Variants in ADARB2 observed in about 807,000 individuals in gnomAD.
The protein encoded by ADARB2 is inactive double-stranded RNA-specific editase B2.
A neutral mutation model predicts 62.2 loss-of-function variants in ADARB2; 25 were observed. That is an observed-to-expected ratio of 0.40 (90% CI 0.29 to 0.56). The LOEUF is 0.56. Ranked by LOEUF, ADARB2 falls within the 20% of genes least tolerant of loss-of-function variation. ADARB2 has a pLI of 0.43. For missense variants in ADARB2, 1,071 were observed against 1,077.4 expected (o/e 0.99, Z 0.08); for synonymous variants, 572 against 500.8 (o/e 1.14, Z -1.90).
intron 1 of ADARB2, among the ~76,000 whole-genome samples, chr10:1,568,871 G>A (rs1198290973): frequency 6.6e-6 from 1 of 151,868 alleles, no homozygotes; most frequent in Non-Finnish European, 1.5e-5. Flanking sequence ...AGCACACACG[G>A]CAGAATCCCC....
chr10:1,647,146 C>T (rs975690741), intron 1 of ADARB2, among the ~76,000 whole-genome samples: 2 of 152,224 alleles, frequency 1.3e-5, no homozygotes, highest in Admixed American at 6.5e-5. Flanking sequence ...AGACCCTCCC[C>T]AAGATAAGTC....
At chr10:1,328,386 GT>G (rs965716649) in intron 3 of ADARB2, among the ~76,000 whole-genome samples, 2 of 152,208 alleles carry the variant, frequency 1.3e-5, no homozygotes, top group Admixed American at 1.3e-4. Flanking sequence ...GGGTGGAAAA[GT>G]GGGTTTAGAA....
intron 8 of ADARB2, among the ~76,000 whole-genome samples, chr10:1,188,760 C>G (rs1836798103): frequency 6.6e-6 from 1 of 152,198 alleles, no homozygotes; most frequent in Non-Finnish European, 1.5e-5. Context: ...GCCCAGATCC[C>G]TGGAGTCTAA....
At chr10:1,481,819 T>C (rs1462367004) in intron 1 of ADARB2, among the ~76,000 whole-genome samples, 3 of 146,182 alleles carry the variant, frequency 2.1e-5, no homozygotes, top group Non-Finnish European at 3.0e-5. Flanking sequence ...ATTGTGCCAC[T>C]GCACTCCAGC....
At chr10:1,382,110 C>T (rs949977787) in intron 1 of ADARB2, among the ~76,000 whole-genome samples, 3 of 152,040 alleles carry the variant, frequency 2.0e-5, no homozygotes, top group East Asian at 1.9e-4. Flanking sequence ...TGAATATATT[C>T]AACTTTTATT....
intron 1 of ADARB2, among the ~76,000 whole-genome samples, chr10:1,694,694 G>A (rs574335733): frequency 5.9e-5 from 9 of 152,206 alleles, no homozygotes; most frequent in Admixed American, 3.9e-4. Context: ...CTAAAAGTAA[G>A]GTACATTTGG....
chr10:1,318,333 C>A (rs1359927223), intron 3 of ADARB2, among the ~76,000 whole-genome samples: 1 of 152,180 alleles, frequency 6.6e-6, no homozygotes, highest in Admixed American at 6.5e-5. Context: ...CCATAAGATA[C>A]TAGAAGCTCC....
intron 1 of ADARB2, among the ~76,000 whole-genome samples, chr10:1,665,716 A>C (rs977013244): frequency 6.6e-6 from 1 of 152,232 alleles, no homozygotes; most frequent in African/African-American, 2.4e-5. Flanking sequence ...GTGATGGCAC[A>C]GGCCGGGGTC....
chr10:1,686,147 A>T (rs1834594083), intron 1 of ADARB2, among the ~76,000 whole-genome samples: 1 of 152,276 alleles, frequency 6.6e-6, no homozygotes, highest in African/African-American at 2.4e-5. Flanking sequence ...CTACAAAAAC[A>T]AAAACAGAAA....
At position 1,524,316 on chromosome 10, in the gene ADARB2, AAT is replaced by A. The variant is rs1832113195; in HGVS notation, c.101-145158_101-145157del. Among the ~76,000 whole-genome samples the A allele has an allele frequency of 3.3e-5, 5 of 152,334 alleles. No individual in the cohort carries two copies. In the South Asian group the frequency reaches 1.0e-3, roughly 32 times the overall value. ...GGAATCACCACATATAAGTCCCACT[AAT>A]TCAGTCGCCATTTGTGACTAACGTG... On this transcript the variant is annotated intron_variant, in intron 1 of 9. Coordinates refer to ENST00000381312, the MANE Select transcript of ADARB2 (RefSeq NM_018702.4).
At chr10:1,434,809 C>A (rs766683270) in intron 1 of ADARB2, among the ~76,000 whole-genome samples, 1 of 152,236 alleles carries the variant, frequency 6.6e-6, no homozygotes, top group African/African-American at 2.4e-5. Context: ...TGAACACTTA[C>A]ACGTAGACAT....
At chr10:1,339,801 T>C (rs1832006454) in intron 3 of ADARB2, among the ~76,000 whole-genome samples, 1 of 152,170 alleles carries the variant, frequency 6.6e-6, no homozygotes, top group Non-Finnish European at 1.5e-5. Flanking sequence ...CGTGACCAAG[T>C]GCAGACTTTC....
At chr10:1,383,349 TG>T (rs1832500423) in intron 1 of ADARB2, among the ~76,000 whole-genome samples, 1 of 152,210 alleles carries the variant, frequency 6.6e-6, no homozygotes, top group African/African-American at 2.4e-5. Context: ...CTAATCATCT[TG>T]TTTAGAAACA....
At chr10:1,501,891 G>A (rs1310070212) in intron 1 of ADARB2, among the ~76,000 whole-genome samples, 1 of 152,168 alleles carries the variant, frequency 6.6e-6, no homozygotes, top group Non-Finnish European at 1.5e-5. Context: ...TTAATCAACT[G>A]GGCAGAGGAC....
chr10:1,285,226 C>A (rs1161607163), intron 3 of ADARB2, among the ~76,000 whole-genome samples: 1 of 152,146 alleles, frequency 6.6e-6, no homozygotes, highest in East Asian at 1.9e-4. Context: ...CTCTTGGCAG[C>A]GGGGCAGGGT....
At chr10:1,218,877 T>C (rs901130044) in intron 6 of ADARB2, among the ~76,000 whole-genome samples, 13 of 150,092 alleles carry the variant, frequency 8.7e-5, no homozygotes, top group African/African-American at 3.0e-4. Flanking sequence ...ACCCCATCTC[T>C]ACTAAAAATA....
chr10:1,348,765 G>A (rs557924095), intron 3 of ADARB2, among the ~76,000 whole-genome samples: 1 of 152,314 alleles, frequency 6.6e-6, no homozygotes, highest in South Asian at 2.1e-4. Context: ...GAGGATGGCC[G>A]GGCTGCTGCT....
At chr10:1,368,621 C>A (rs1832334684) in intron 2 of ADARB2, among the ~76,000 whole-genome samples, 1 of 152,156 alleles carries the variant, frequency 6.6e-6, no homozygotes, top group South Asian at 2.1e-4. Flanking sequence ...GGGCCGAGAG[C>A]AGCATTAGCT....
In ADARB2 at chr10:1,177,451, A is replaced by G. The variant is rs1172925739; in HGVS notation, c.*5742T>C. The stretch of plus-strand genomic sequence containing the variant: ...AGGTTTTGGATTTTTTTTTACAAAT[A>G]TTACAAATGTACATCCATTGATACA... On this transcript the variant is annotated 3_prime_UTR_variant, in exon 10 of 10. Coordinates refer to ENST00000381312, the MANE Select transcript of ADARB2 (RefSeq NM_018702.4). The G allele has an allele frequency of 6.6e-6, 1 of 152,210 alleles. No individual in the cohort carries two copies. The highest frequency in any genetic ancestry group is 1.5e-5 in the Non-Finnish European group (1 of 68,040). The allele number at this position is 152,210 out of a possible 1,614,324, so 9.4% of individuals were successfully genotyped here.
Sources: allele counts gnomAD v4.1 joint callset (sites outside exome capture counted in the v4.1 genomes callset), GRCh38; gene constraint gnomAD v4.1.1; transcripts MANE v1.5; gene names NCBI Gene and HGNC (gene_info 2026-07-23, HGNC 2026-07-21).